Variants in MIDEAS observed in about 807,000 individuals in gnomAD.
MIDEAS encodes mitotic deacetylase associated SANT domain protein.
MIDEAS carries 26 observed loss-of-function variants against 102.7 expected under a neutral mutation model. The ratio of observed to expected loss-of-function variants is 0.25; its 90% confidence interval spans 0.19 to 0.35. The LOEUF is 0.35. Ranked by LOEUF, MIDEAS falls within the 10% of genes least tolerant of loss-of-function variation. MIDEAS has a pLI of 1.00. For missense variants in MIDEAS, 1,231 were observed against 1,435.6 expected (o/e 0.86, Z 2.30); for synonymous variants, 585 against 591.0 (o/e 0.99, Z 0.15).
At chr14:73,766,906 A>G in intron 1 of MIDEAS, among the ~76,000 whole-genome samples, 1 of 127,734 alleles carries the variant, frequency 7.8e-6, no homozygotes, top group Admixed American at 1.0e-4. Context: ...CCCAGGCTGG[A>G]GTGCAGCGTC....
intron 3 of MIDEAS, among the ~76,000 whole-genome samples, chr14:73,732,470 ATT>A (rs1452636363): frequency 6.6e-6 from 1 of 152,208 alleles, no homozygotes; most frequent in African/African-American, 2.4e-5. Context: ...CTTTTAAGAA[ATT>A]TAAGGAACTG....
rs887838215 is a variant in MIDEAS, at chr14:73,715,781, G to A, written c.*3062C>T. The A allele has an allele frequency of 1.3e-5, 2 of 152,628 alleles. No individual in the cohort carries two copies. Among genetic ancestry groups the A allele is most frequent in the African/African-American group, 4.8e-5 (2 of 41,456 alleles). 9.5% of individuals were successfully genotyped at this position (152,628 alleles called of 1,614,324 possible). On this transcript the variant is annotated 3_prime_UTR_variant, in exon 13 of 13. Transcript: ENST00000423556. The stretch of plus-strand genomic sequence containing the variant: ...TGGCACATGAGAAGAAAGAGGTTAG[G>A]TCACTGAGGCAGTTAAATATAGGTG...
rs1208073504 is a variant in MIDEAS, at chr14:73,737,036, G to A, written c.1711C>T (p.Arg571Trp). The change falls in exon 3 of 13, where the codon CGG (arginine) becomes TGG (tryptophan). Residue 571 changes from arginine to tryptophan, a missense_variant. Arg to Trp is a moderately radical substitution (Grantham distance 101). Transcript: ENST00000423556. The stretch of plus-strand genomic sequence containing the variant: ...TCTGTCCCGGGGATTCGGGTGGACC[G>A]CCTGCGGGTGACGATGACTGATGGC... ...HKPSVIVTRRRSTRIPGTDAQ... is the reference protein window; with the variant it reads ...HKPSVIVTRRWSTRIPGTDAQ... The A allele has an allele frequency of 1.9e-6, 3 of 1,613,706 alleles. No individual in the cohort carries two copies. Among genetic ancestry groups the A allele is most frequent in the Non-Finnish European group, 2.5e-6 (3 of 1,179,988 alleles).
chr14:73,787,164 ACT>A (rs1371470367), exon 1 of MIDEAS: 1 of 148,418 alleles, frequency 6.7e-6, no homozygotes, highest in Non-Finnish European at 1.5e-5. Flanking sequence ...CGGCCCGCAG[ACT>A]CTAACTTTGT....
rs12886668 is a variant in MIDEAS, at chr14:73,749,903, T to A, written c.-247-9648A>T. Among the ~76,000 whole-genome samples the A allele has an allele frequency of 6.9e-3, 1,046 of 152,268 alleles. 6 individuals are homozygous for A. Among genetic ancestry groups the A allele is most frequent in the Middle Eastern group, 0.02 (6 of 294 alleles). ...GCTCAGACTTGCAAAGGCCTGGGTATCCCCTCTCCCAGACACACATTGAAC... is the reference window on the plus strand; with the variant it reads ...GCTCAGACTTGCAAAGGCCTGGGTAACCCCTCTCCCAGACACACATTGAAC... On this transcript the variant is annotated intron_variant, in intron 1 of 12. Transcript: ENST00000423556.
At chr14:73,755,964 C>G (rs189063301) in intron 1 of MIDEAS, among the ~76,000 whole-genome samples, 57 of 152,276 alleles carry the variant, frequency 3.7e-4, no homozygotes, top group Non-Finnish European at 4.0e-4. Context: ...CTATGAAGTA[C>G]TAGTATCATC....
chr14:73,727,592 C>T, intron 4 of MIDEAS, 68 bp from the exon 5 acceptor site: 1 of 1,448,876 alleles, frequency 6.9e-7, no homozygotes, highest in Non-Finnish European at 9.4e-7. Context: ...ATCCTAGTGG[C>T]TGCCCTGTAT....
intron 1 of MIDEAS, among the ~76,000 whole-genome samples, chr14:73,782,123 T>C (rs1279440825): frequency 6.6e-6 from 1 of 152,170 alleles, no homozygotes; most frequent in Non-Finnish European, 1.5e-5. Flanking sequence ...TTTTATAGTA[T>C]GTGAATTATT....
At chr14:73,748,790 A>G (rs2053385637) in intron 1 of MIDEAS, among the ~76,000 whole-genome samples, 1 of 151,098 alleles carries the variant, frequency 6.6e-6, no homozygotes, top group Non-Finnish European at 1.5e-5. Context: ...AAAAAAAATC[A>G]GACAAAATAG....
intron 1 of MIDEAS, among the ~76,000 whole-genome samples, chr14:73,755,273 C>T (rs2053466279): frequency 6.6e-6 from 1 of 152,214 alleles, no homozygotes; most frequent in Non-Finnish European, 1.5e-5. Context: ...TCTTCCCCAC[C>T]AGCCGAGAAT....
At chr14:73,761,097 C>T (rs1225367030), upstream of MIDEAS, among the ~76,000 whole-genome samples, 1 of 151,922 alleles carries the variant, frequency 6.6e-6, no homozygotes, top group South Asian at 2.1e-4. Context: ...GTGGTGGTGG[C>T]GGCGGCGGTG....
chr14:73,744,610 C>T (rs977357), intron 1 of MIDEAS, among the ~76,000 whole-genome samples: 60,817 of 151,946 alleles, frequency 0.4, 13,468 homozygotes, highest in East Asian at 0.8. Flanking sequence ...AGTCTCCAGG[C>T]GAGTCAGTTC....
At chr14:73,731,437 C>T (rs1263876847) in intron 3 of MIDEAS, among the ~76,000 whole-genome samples, 2 of 151,362 alleles carry the variant, frequency 1.3e-5, no homozygotes, top group Non-Finnish European at 2.9e-5. Flanking sequence ...TGAAACTGTT[C>T]GTTCTTCTTC....
chr14:73,759,811 G>A lies in MIDEAS; in HGVS notation c.-296C>T, dbSNP rs1304688887. ...CTCCGGGCTCGGCTGTCCCCCTTCC[G>A]CCGCGGGTCGCCGCCTTCGGTCGCC... On this transcript the variant is annotated 5_prime_UTR_variant, in exon 1 of 13. Coordinates refer to ENST00000423556, the MANE Select transcript of MIDEAS (RefSeq NM_001367710.1). This position sits in a 1 kb window ranked among gnomAD's most constrained non-coding sequence, Gnocchi z 6.7. 2.0e-5 allele frequency: 3 copies of A among 151,926 alleles called. No individual in the cohort carries two copies. Among genetic ancestry groups the A allele is most frequent in the Admixed American group, 2.0e-4 (3 of 15,266 alleles). The allele number at this position is 151,926 out of a possible 1,614,324, so 9.4% of individuals were successfully genotyped here. A position where few individuals can be genotyped will look rare whatever the true frequency, so the allele number is the denominator to read the frequency against.
At chr14:73,740,931 C>G (rs2053273528) in intron 1 of MIDEAS, among the ~76,000 whole-genome samples, 1 of 152,336 alleles carries the variant, frequency 6.6e-6, no homozygotes, top group East Asian at 1.9e-4. Context: ...AGGTAAGGCC[C>G]CAGAAGGGTG....
intron 1 of MIDEAS, among the ~76,000 whole-genome samples, chr14:73,785,355 G>A (rs962610626): frequency 6.6e-6 from 1 of 152,152 alleles, no homozygotes; most frequent in African/African-American, 2.4e-5. Flanking sequence ...GCAAATGGGA[G>A]GATCCCTGCT....
In MIDEAS at chr14:73,717,520, A is replaced by G. The variant is rs148502951; in HGVS notation, c.*1323T>C. 1 of 152,454 alleles carries G rather than the reference A, an allele frequency of 6.6e-6. No homozygotes were observed. Among genetic ancestry groups the G allele is most frequent in the Non-Finnish European group, 1.5e-5 (1 of 68,020 alleles). 9.4% of individuals were successfully genotyped at this position (152,454 alleles called of 1,614,324 possible). Reference sequence around the variant, plus strand: ...CCTTGCTCTGTGTGGGTCTGGTGACACCCTCCACCTTCCCACGCTCTTTCA... The same window carrying G: ...CCTTGCTCTGTGTGGGTCTGGTGACGCCCTCCACCTTCCCACGCTCTTTCA... On this transcript the variant is annotated 3_prime_UTR_variant, in exon 13 of 13. Transcript: ENST00000423556.
At position 73,729,737 on chromosome 14, in the gene MIDEAS, G is replaced by A. The variant is rs766187917; in HGVS notation, c.1998C>T (p.Gly666=). ...PPPILSPVRE[G]SGLYFNAIIS... ...TGATGGCATTGAAGTAGAGGCCAGA[G>A]CCTTCCCGCACAGGGCTGAGGATGG... The change falls in exon 4 of 13, where the codon GGC becomes GGT. Residue 666 remains glycine, a synonymous_variant. Coordinates refer to ENST00000423556, the MANE Select transcript of MIDEAS (RefSeq NM_001367710.1). The A allele has an allele frequency of 1.2e-6, 2 of 1,614,092 alleles. No homozygotes were observed. Among genetic ancestry groups the A allele is most frequent in the Non-Finnish European group, 1.7e-6 (2 of 1,180,048 alleles).
chr14:73,726,590 G>T lies in MIDEAS; in HGVS notation c.2409+14C>A, dbSNP rs1359141022. On this transcript the variant is annotated intron_variant, in intron 7 of 12. Coordinates refer to ENST00000423556, the MANE Select transcript of MIDEAS (RefSeq NM_001367710.1). ...CACTGAGGGGCCCTCCCTCTGCTGG[G>T]GTTGCCTTCTCACCAGGATGTCTCC... 6.2e-7 allele frequency: 1 copy of T among 1,612,910 alleles called. No individual in the cohort carries two copies. The highest frequency in any genetic ancestry group is 2.2e-5 in the East Asian group (1 of 44,882).
Sources: gnomAD v4.1 joint callset for allele counts (sites outside exome capture counted in the v4.1 genomes callset) on GRCh38, gnomAD v4.1.1 for gene constraint, Gnocchi (gnomAD v3.1) non-coding constraint, MANE v1.5 for transcripts, NCBI Gene and HGNC (gene_info 2026-07-23, HGNC 2026-07-21) for gene names.